VTI1A: variants seen among roughly 807,000 people sequenced by gnomAD.
The protein encoded by VTI1A is vesicle transport through interaction with t-SNAREs 1A.
In VTI1A, 22 loss-of-function variants were observed where a neutral mutation model predicts 34.9. That is an observed-to-expected ratio of 0.63 (90% CI 0.45 to 0.90). The LOEUF is 0.90. Among genes scored for constraint, VTI1A ranks in the 40% least tolerant of loss-of-function variants. VTI1A has a pLI of 0.00. For synonymous variants in VTI1A, 87 were observed against 97.3 expected (o/e 0.89, Z 0.62); for missense variants, 268 against 275.6 (o/e 0.97, Z 0.20).
Position 112,669,126 on chromosome 10 carries a change from A to G in VTI1A, c.560+128A>G, listed in dbSNP as rs998647602. The G allele has an allele frequency of 5.0e-6, 5 of 998,014 alleles. No individual in the cohort carries two copies. The African/African-American group carries it at 8.3e-5, about 17-fold the overall frequency. The allele number at this position is 998,014 out of a possible 1,614,324, so 61.8% of individuals were successfully genotyped here. ...GCTCTTAGTACCCTGTGCAGGACCC[A>G]TTTGAAATAACAGAGCACTGATGTT... On this transcript the variant is annotated intron_variant, in intron 7 of 7. Transcript: ENST00000393077.
At chr10:112,560,624 G>A (rs1458529116) in intron 5 of VTI1A, among the ~76,000 whole-genome samples, 3 of 144,890 alleles carry the variant, frequency 2.1e-5, no homozygotes, top group Non-Finnish European at 3.0e-5. Context: ...TTGCGATGGA[G>A]TCTCACTCTG....
intron 5 of VTI1A, among the ~76,000 whole-genome samples, chr10:112,586,797 T>C (rs917412217): frequency 1.3e-5 from 2 of 152,178 alleles, no homozygotes; most frequent in African/African-American, 4.8e-5. Flanking sequence ...AATTTCTCAT[T>C]TCCAACATCT....
chr10:112,726,760 T>C (rs562124820), intron 7 of VTI1A, among the ~76,000 whole-genome samples: 1 of 152,306 alleles, frequency 6.6e-6, no homozygotes, highest in Admixed American at 6.5e-5. Flanking sequence ...TCTTGGAGTT[T>C]CATTTGTTTT....
chr10:112,606,872 A>G (rs1054616474), intron 5 of VTI1A, among the ~76,000 whole-genome samples: 4 of 152,222 alleles, frequency 2.6e-5, no homozygotes, highest in Non-Finnish European at 4.4e-5. Context: ...ACCTAGTCCT[A>G]GTGGCAACAG....
At chr10:112,842,080 T>C in the VTI1A span, among the ~76,000 whole-genome samples, 1 of 133,782 alleles carries the variant, frequency 7.5e-6, no homozygotes, top group Non-Finnish European at 1.6e-5. Context: ...TTTTTTTTTT[T>C]GAGACGGAGT....
At chr10:112,681,097 G>T (rs1445465686) in intron 7 of VTI1A, among the ~76,000 whole-genome samples, 3 of 148,852 alleles carry the variant, frequency 2.0e-5, no homozygotes, top group African/African-American at 7.5e-5. Context: ...TTTTTTAAAG[G>T]GACAGGGTCT....
intron 5 of VTI1A, among the ~76,000 whole-genome samples, chr10:112,622,901 G>A (rs151323600): frequency 1.4e-3 from 215 of 152,254 alleles, no homozygotes; most frequent in Admixed American, 3.4e-3. Context: ...GACAAGCTGG[G>A]TTTGTTATTT....
At chr10:112,614,019 G>A (rs1028524835) in intron 5 of VTI1A, among the ~76,000 whole-genome samples, 2 of 152,032 alleles carry the variant, frequency 1.3e-5, no homozygotes, top group Non-Finnish European at 2.9e-5. Flanking sequence ...TTCATATGGT[G>A]AAAATATGTT....
At chr10:112,793,137 G>A (rs1247539184) in intron 7 of VTI1A, among the ~76,000 whole-genome samples, 10 of 152,166 alleles carry the variant, frequency 6.6e-5, no homozygotes, top group Admixed American at 6.5e-5. Context: ...AAAGTGCTGC[G>A]GACAGACCAG....
rs1024607892 is a variant in VTI1A at position 112,734,778 on chromosome 10, G to A, written c.560+65780G>A. The stretch of plus-strand genomic sequence containing the variant: ...AGACATTCTCGTGCCTCAGCCTCCC[G>A]AATAGCTGGGATTACAGGCGCCTGC... On this transcript the variant is annotated intron_variant, in intron 7 of 7. Transcript: ENST00000393077. Among the ~76,000 whole-genome samples the A allele has an allele frequency of 5.3e-5, 8 of 151,220 alleles. No homozygotes were observed. The East Asian group carries it at 7.8e-4, about 15-fold the overall frequency.
At chr10:112,527,696 A>G (rs1850283147) in intron 4 of VTI1A, among the ~76,000 whole-genome samples, 1 of 143,654 alleles carries the variant, frequency 7.0e-6, no homozygotes, top group Admixed American at 6.7e-5. Flanking sequence ...TGCTTCTGTC[A>G]AATAATAGTC....
rs1256439664 is a variant in VTI1A at position 112,815,323 on chromosome 10, A to G, written c.594A>G (p.Leu198=). ...IIQNRILLVI[L]GIIVVITILM... is the part of the protein sequence containing the mutation. ...AGAACCGCATCCTGCTCGTCATCCT[A>G]GGGATCATCGTGGTCATCACCATCC... Residue 198 remains leucine (L), a synonymous_variant, in exon 8 of 8, where the codon CTA becomes CTG. Coordinates refer to ENST00000393077, the MANE Select transcript of VTI1A (RefSeq NM_145206.4). 6.2e-7 allele frequency: 1 copy of G among 1,613,866 alleles called. No individual in the cohort carries two copies. The highest frequency in any genetic ancestry group is 8.5e-7 in the Non-Finnish European group (1 of 1,179,974).
intron 5 of VTI1A, among the ~76,000 whole-genome samples, chr10:112,637,626 T>G (rs1846407564): frequency 6.6e-6 from 1 of 152,070 alleles, no homozygotes; most frequent in Non-Finnish European, 1.5e-5. Context: ...GCTACTGCAC[T>G]GTAGCCTGGG....
At chr10:112,478,943 C>T (rs971388104) in intron 3 of VTI1A, among the ~76,000 whole-genome samples, 8 of 152,080 alleles carry the variant, frequency 5.3e-5, no homozygotes, top group Non-Finnish European at 7.4e-5. Context: ...CCGAGACGGG[C>T]GGATCACAAG....
At chr10:112,511,728 A>G (rs897404133) in intron 3 of VTI1A, among the ~76,000 whole-genome samples, 2 of 151,644 alleles carry the variant, frequency 1.3e-5, no homozygotes, top group Non-Finnish European at 2.9e-5. Context: ...TCCTAATTCA[A>G]CTTTCCCAGA....
intron 7 of VTI1A, among the ~76,000 whole-genome samples, chr10:112,695,746 C>G (rs6585171): frequency 0.22 from 33,120 of 152,084 alleles, 7,976 homozygotes; most frequent in African/African-American, 0.59. Flanking sequence ...CCAAGCAGCC[C>G]TGGAGTGGAC....
intron 5 of VTI1A, chr10:112,548,572 T>C (rs1851224281): frequency 6.3e-6 from 5 of 798,510 alleles, no homozygotes; most frequent in Non-Finnish European, 8.5e-6. Context: ...CTTCCACCAC[T>C]GATTAAGACC....
At chr10:112,779,757 GGAAAATAGGCATCT>G (rs11267784) in intron 7 of VTI1A, among the ~76,000 whole-genome samples, 61,392 of 151,782 alleles carry the variant, frequency 0.4, 12,447 homozygotes, top group East Asian at 0.51. Context: ...TAGAATAATC[GGAAAATAGGCATCT>G]GAAGGATTAC....
chr10:112,589,638 T>C (rs1228003439), intron 5 of VTI1A, among the ~76,000 whole-genome samples: 1 of 152,274 alleles, frequency 6.6e-6, no homozygotes, highest in East Asian at 1.9e-4. Context: ...ATGCACTGTG[T>C]GTGACACGGT....
Sources: allele counts gnomAD v4.1 joint callset (sites outside exome capture counted in the v4.1 genomes callset), GRCh38; gene constraint gnomAD v4.1.1; transcripts MANE v1.5; gene names NCBI Gene and HGNC (gene_info 2026-07-23, HGNC 2026-07-21).